RGMB: variants seen among roughly 807,000 people sequenced by gnomAD.
The protein encoded by RGMB is repulsive guidance molecule BMP co-receptor b, also known as repulsive guidance molecule B.
In RGMB, 16 loss-of-function variants were observed where a neutral mutation model predicts 26.9. The ratio of observed to expected loss-of-function variants is 0.60; its 90% CI spans 0.40 to 0.90. The LOEUF (loss-of-function observed/expected upper bound fraction) is 0.90, where lower values mean the gene tolerates loss of function less well. Ranked by LOEUF, RGMB falls within the 40% of genes least tolerant of loss-of-function variation. The pLI, the probability that RGMB is intolerant of heterozygous loss-of-function variation, is 0.00. For synonymous variants in RGMB, 225 were observed against 229.3 expected (o/e 0.98, Z 0.17); for missense variants, 512 against 573.3 (o/e 0.89, Z 1.09).
At chr5:98,779,437 C>G (rs1746516143) in intron 1 of RGMB, 143 bp from the exon 2 acceptor site, 2 of 734,280 alleles carry the variant, frequency 2.7e-6, no homozygotes, top group African/African-American at 3.6e-5. Context: ...CACAATGAAA[C>G]CCTGTATCTG....
At position 98,779,878 on chromosome 5, in the gene RGMB, T is replaced by C. The variant is rs1293895546; in HGVS notation, c.435T>C (p.Ala145=). 5 of 1,613,922 alleles carry C rather than the reference T, an allele frequency of 3.1e-6. No individual in the cohort carries two copies. The highest frequency in any genetic ancestry group is 4.2e-6 in the Non-Finnish European group (5 of 1,179,890). The change falls in exon 2 of 3, where the codon GCT becomes GCC. Residue 145 remains alanine, a synonymous_variant. Transcript: ENST00000513185. ...ATCCTTGCAACTATCACAGCCACGC[T>C]GGAGCCAGGGAACACAGGAGAGGGG... The part of the protein sequence containing the change: ...THDPCNYHSH[A]GAREHRRGDQ...
chr5:98,776,981 G>A (rs1224979567), intron 1 of RGMB, among the ~76,000 whole-genome samples: 1 of 152,034 alleles, frequency 6.6e-6, no homozygotes, highest in African/African-American at 2.4e-5. Context: ...AGCTACTAGG[G>A]AGGCTGAGGT....
At chr5:98,774,574 G>C (rs999232829) in intron 1 of RGMB, among the ~76,000 whole-genome samples, 2 of 152,226 alleles carry the variant, frequency 1.3e-5, no homozygotes, top group African/African-American at 2.4e-5. Context: ...GTCAGGCTCG[G>C]ATCAGGTTTC....
chr5:98,774,354 C>A, intron 1 of RGMB, 148 bp downstream of exon 1: 1 of 835,282 alleles, frequency 1.2e-6, no homozygotes, highest in Non-Finnish European at 1.7e-6. Context: ...GCACCTCTGT[C>A]GGGCTCCGGG....
intron 1 of RGMB, among the ~76,000 whole-genome samples, chr5:98,774,524 C>G (rs576066472): frequency 1.3e-5 from 2 of 152,350 alleles, no homozygotes; most frequent in Non-Finnish European, 2.9e-5. Context: ...GACAAATGTT[C>G]CGGATGCTTT....
upstream of RGMB, among the ~76,000 whole-genome samples, chr5:98,772,028 G>A (rs1746182291): frequency 6.6e-6 from 1 of 152,152 alleles, no homozygotes; most frequent in Admixed American, 6.5e-5. Context: ...AGTATGTCAT[G>A]AACTGTATCT....
chr5:98,779,583 A>G lies in RGMB; in HGVS notation c.140A>G (p.Asp47Gly), dbSNP rs770277983. Residue 47 changes from aspartate to glycine, a missense_variant, in exon 2 of 3, where the codon GAC becomes GGC. Transcript: ENST00000513185. ...GGTCTTATCTTCTTTCCCATAGGTG[A>G]CTGCCAACAGCCAGCCCAATGTCGA... ...LFSLGLLHAG[D>G]CQQPAQCRIQ... 2.0e-6 allele frequency: 3 copies of G among 1,508,804 alleles called. No homozygotes were observed. The highest frequency in any genetic ancestry group is 2.7e-6 in the Non-Finnish European group (3 of 1,128,170). The allele number at this position is 1,508,804 out of a possible 1,614,324, so 93.5% of individuals were successfully genotyped here.
At position 98,793,684 on chromosome 5, in the gene RGMB, T is replaced by G; in HGVS notation, c.1245T>G (p.Thr415=). ...TTTTCCCCAGCAGTGGCAATGGGAC[T>G]CCCCGTGGAGGCAGTGATTTGTCTG... ...WHIFPSSGNG[T]PRGGSDLSVS... is the part of the protein sequence containing the mutation. The change falls in exon 3 of 3, where the codon ACT becomes ACG. Residue 415 remains threonine (T), a synonymous_variant. Coordinates refer to ENST00000513185, the MANE Select transcript of RGMB (RefSeq NM_001366508.1). 3 of 1,612,894 alleles carry G rather than the reference T, an allele frequency of 1.9e-6. No individual in the cohort carries two copies. The highest frequency in any genetic ancestry group is 2.5e-6 in the Non-Finnish European group (3 of 1,179,378).
intron 2 of RGMB, chr5:98,780,572 T>C (rs1444944344): frequency 6.5e-6 from 1 of 154,154 alleles, no homozygotes; most frequent in Non-Finnish European, 1.4e-5. Context: ...TAAGCCAACT[T>C]CCCAGTGGTA....
intron 1 of RGMB, among the ~76,000 whole-genome samples, chr5:98,774,969 A>T (rs535365429): frequency 5.9e-4 from 89 of 151,640 alleles, no homozygotes; most frequent in South Asian, 1.7e-3. Flanking sequence ...TTTTCTTTTT[A>T]AAAAATCGTT....
At chr5:98,777,521 GT>G (rs985317963) in intron 1 of RGMB, among the ~76,000 whole-genome samples, 1 of 152,194 alleles carries the variant, frequency 6.6e-6, no homozygotes, top group African/African-American at 2.4e-5. Flanking sequence ...AGAACAACAA[GT>G]TTTGAGGGAA....
rs571624340 is a variant in RGMB at position 98,784,165 on chromosome 5, T to A, written c.645+4077T>A. On this transcript the variant is annotated intron_variant, in intron 2 of 2. Coordinates refer to ENST00000513185, the MANE Select transcript of RGMB (RefSeq NM_001366508.1). ...GATGACTGTTAGGCAGATGGACAGA[T>A]GCTCTGAGGTGCCTATCTTGTACGT... Among the ~76,000 whole-genome samples the A allele has an allele frequency of 7.9e-5, 12 of 152,344 alleles. No individual in the cohort carries two copies. The South Asian group carries it at 2.3e-3, about 29-fold the overall frequency.
intron 2 of RGMB, among the ~76,000 whole-genome samples, chr5:98,784,194 T>C (rs1746699791): frequency 6.6e-6 from 1 of 152,228 alleles, no homozygotes; most frequent in Non-Finnish European, 1.5e-5. Flanking sequence ...TGTACGTTTT[T>C]GGTGCTGCCA....
rs749304953 is a variant in RGMB at position 98,780,087 on chromosome 5, A to G, written c.644A>G (p.Lys215Arg). The change falls in exon 2 of 3, where the codon AAG (lysine) becomes AGG (arginine). Residue 215 changes from lysine (K) to arginine (R), a missense_variant and splice_region_variant. Lys to Arg is a conservative substitution (Grantham distance 26). Coordinates refer to ENST00000513185, the MANE Select transcript of RGMB (RefSeq NM_001366508.1). ...GGATCCAGTGCTACTGCTACAAATA[A>G]GGCAAGTATACCTTCTTTTTTCCCT... ...VPGSSATATN[K>R]ITIIFKAHHE... 9 of 1,605,944 alleles carry G rather than the reference A, an allele frequency of 5.6e-6. No homozygotes were observed. The highest frequency in any genetic ancestry group is 5.9e-6 in the Non-Finnish European group (7 of 1,178,858).
Position 98,793,961 on chromosome 5 carries a change from T to G in RGMB, c.*208T>G. On this transcript the variant is annotated 3_prime_UTR_variant, in exon 3 of 3. Transcript: ENST00000513185. ...TAGTGTTCTTTGATTGTATCAATTT[T>G]GTTTTGCAGTTCTGTGAAATGTTTT... is the stretch of plus-strand genomic sequence containing the variant. 2.1e-6 allele frequency: 1 copy of G among 485,814 alleles called. No homozygotes were observed. The highest frequency in any genetic ancestry group is 3.6e-6 in the Non-Finnish European group (1 of 279,994). 30.1% of individuals were successfully genotyped at this position (485,814 alleles called of 1,614,324 possible). A position where few individuals can be genotyped will look rare whatever the true frequency, so the allele number is the denominator to read the frequency against.
At chr5:98,784,330 G>C (rs1446542420) in intron 2 of RGMB, among the ~76,000 whole-genome samples, 1 of 152,190 alleles carries the variant, frequency 6.6e-6, no homozygotes, top group Non-Finnish European at 1.5e-5. Flanking sequence ...AAATTCTGTA[G>C]CTACTTTCTT....
intron 2 of RGMB, among the ~76,000 whole-genome samples, chr5:98,792,651 G>A (rs2035230): frequency 0.35 from 49,133 of 141,490 alleles, 11,178 homozygotes; most frequent in African/African-American, 0.67. Flanking sequence ...TATGCCCTTA[G>A]TCCTGTGTAC....
chr5:98,774,496 C>T (rs1209832551), intron 1 of RGMB, among the ~76,000 whole-genome samples: 2 of 152,190 alleles, frequency 1.3e-5, no homozygotes, highest in Non-Finnish European at 2.9e-5. Flanking sequence ...ATTTAGCGGG[C>T]GGGGGCCGCG....
chr5:98,774,344 G>T (rs1411325277), intron 1 of RGMB, 138 bp downstream of exon 1: 2 of 909,010 alleles, frequency 2.2e-6, no homozygotes, highest in Non-Finnish European at 3.0e-6. Flanking sequence ...CCCCTGACAC[G>T]CACCTCTGTC....
Sources: gnomAD v4.1 joint callset for allele counts (sites outside exome capture counted in the v4.1 genomes callset) on GRCh38, gnomAD v4.1.1 for gene constraint, MANE v1.5 for transcripts, NCBI Gene and HGNC (gene_info 2026-07-23, HGNC 2026-07-21) for gene names.